CNTN5: variants seen among roughly 807,000 people sequenced by gnomAD.
CNTN5 encodes the protein contactin-5.
CNTN5 carries 77 observed loss-of-function variants against 129.1 expected under a neutral mutation model. The ratio of observed to expected loss-of-function variants is 0.60; its 90% CI spans 0.50 to 0.72. CNTN5 has a LOEUF of 0.72. CNTN5 is among the 30% of genes least tolerant of loss of function. The probability of loss-of-function intolerance (pLI) is 0.00; values close to 1 mark genes in which losing one functional copy is unlikely to be tolerated. For missense variants in CNTN5, 1,478 were observed against 1,328.8 expected (o/e 1.11, Z -1.75); for synonymous variants, 509 against 465.6 (o/e 1.09, Z -1.20).
chr11:99,745,093 A>C (rs1944011789), intron 3 of CNTN5, among the ~76,000 whole-genome samples: 1 of 152,180 alleles, frequency 6.6e-6, no homozygotes, highest in African/African-American at 2.4e-5. Flanking sequence ...AATTTCCTCC[A>C]TTAAGCGTTT....
chr11:100,181,168 G>C (rs1948128977), intron 13 of CNTN5, among the ~76,000 whole-genome samples: 1 of 151,916 alleles, frequency 6.6e-6, no homozygotes, highest in Non-Finnish European at 1.5e-5. Flanking sequence ...TTGTTCAATA[G>C]CTGAATGGTT....
chr11:99,725,777 C>A (rs1158550921), intron 3 of CNTN5, among the ~76,000 whole-genome samples: 1 of 152,096 alleles, frequency 6.6e-6, no homozygotes, highest in Non-Finnish European at 1.5e-5. Flanking sequence ...GTGCCCTGCT[C>A]TTCTGCCATT....
At chr11:99,796,676 G>A (rs575008861) in intron 3 of CNTN5, among the ~76,000 whole-genome samples, 19 of 152,050 alleles carry the variant, frequency 1.2e-4, no homozygotes, top group African/African-American at 2.4e-4. Context: ...GTCCTATCTC[G>A]GGGCAGGATC....
intron 7 of CNTN5, among the ~76,000 whole-genome samples, chr11:99,924,524 A>AT (rs57836490): frequency 0.24 from 36,509 of 151,232 alleles, 4,592 homozygotes; most frequent in Non-Finnish European, 0.27. Context: ...TATTTTTGTC[A>AT]TTTTTTTTGA....
chr11:99,439,034 G>A (rs1159395901), intron 2 of CNTN5, among the ~76,000 whole-genome samples: 1 of 152,164 alleles, frequency 6.6e-6, no homozygotes, highest in African/African-American at 2.4e-5. Context: ...AGAAGAAAAT[G>A]GGTTATAAAG....
chr11:100,346,587 T>C (rs966949215), intron 23 of CNTN5, among the ~76,000 whole-genome samples: 2 of 152,122 alleles, frequency 1.3e-5, no homozygotes, highest in African/African-American at 4.8e-5. Flanking sequence ...GACCTCAGGC[T>C]ATAATCCAAG....
intron 2 of CNTN5, among the ~76,000 whole-genome samples, chr11:99,426,370 T>C (rs1943121455): frequency 6.6e-6 from 1 of 152,176 alleles, no homozygotes. Flanking sequence ...GGGCAAAAAC[T>C]CTGACTCTTT....
At chr11:99,307,381 T>C (rs76551582) in intron 1 of CNTN5, among the ~76,000 whole-genome samples, 30 of 152,332 alleles carry the variant, frequency 2.0e-4, no homozygotes, top group Non-Finnish European at 3.2e-4. Context: ...TTTTGTTTTG[T>C]TTTTAGTAAG....
intron 16 of CNTN5, among the ~76,000 whole-genome samples, chr11:100,233,419 C>G (rs1295489562): frequency 6.6e-6 from 1 of 152,092 alleles, no homozygotes; most frequent in East Asian, 1.9e-4. Flanking sequence ...CATTTGGTAG[C>G]CCAAGAAAGA....
intron 2 of CNTN5, among the ~76,000 whole-genome samples, chr11:99,354,619 A>T: frequency 6.6e-6 from 1 of 152,258 alleles, no homozygotes; most frequent in African/African-American, 2.4e-5. Flanking sequence ...AGTGAATTTT[A>T]CCAGCATAAC....
At chr11:100,172,425 G>A (rs1011006813) in intron 13 of CNTN5, among the ~76,000 whole-genome samples, 1 of 151,942 alleles carries the variant, frequency 6.6e-6, no homozygotes, top group African/African-American at 2.4e-5. Context: ...TTCAGTCTAG[G>A]GAAAACATTT....
intron 1 of CNTN5, among the ~76,000 whole-genome samples, chr11:99,084,101 T>C (rs1336519083): frequency 6.6e-6 from 1 of 152,182 alleles, no homozygotes; most frequent in Non-Finnish European, 1.5e-5. Flanking sequence ...CCCCACCAAC[T>C]ACGTATCCAC....
At chr11:99,963,490 G>T (rs1269112625) in intron 8 of CNTN5, among the ~76,000 whole-genome samples, 1 of 152,006 alleles carries the variant, frequency 6.6e-6, no homozygotes, top group African/African-American at 2.4e-5. Context: ...TTATTTCTGA[G>T]GGCTCTGTTC....
At chr11:100,246,838 A>C (rs1249744642) in intron 16 of CNTN5, among the ~76,000 whole-genome samples, 2 of 152,188 alleles carry the variant, frequency 1.3e-5, no homozygotes, top group Non-Finnish European at 2.9e-5. Context: ...AGCTAATAAA[A>C]ATTATTAATT....
At chr11:99,806,805 C>T (rs1946284774) in intron 3 of CNTN5, among the ~76,000 whole-genome samples, 1 of 123,618 alleles carries the variant, frequency 8.1e-6, no homozygotes, top group South Asian at 2.7e-4. Flanking sequence ...AGACTCTTCC[C>T]CCACCCCCTG....
At chr11:99,398,185 CA>C (rs1373698705) in intron 2 of CNTN5, among the ~76,000 whole-genome samples, 3 of 151,860 alleles carry the variant, frequency 2.0e-5, no homozygotes, top group Non-Finnish European at 4.4e-5. Context: ...CAAACTTTAA[CA>C]ATTATATTAC....
At chr11:99,491,884 A>T (rs1946049060) in intron 2 of CNTN5, among the ~76,000 whole-genome samples, 1 of 152,204 alleles carries the variant, frequency 6.6e-6, no homozygotes, top group South Asian at 2.1e-4. Context: ...TGGTGCAAGT[A>T]GGAATCACAG....
chr11:100,349,178 A>G (rs1279646690), intron 23 of CNTN5, among the ~76,000 whole-genome samples: 1 of 151,988 alleles, frequency 6.6e-6, no homozygotes, highest in African/African-American at 2.4e-5. Context: ...GGGAGCATTT[A>G]TTACTAGAAT....
chr11:100,039,014 G>A (rs759800608), intron 9 of CNTN5, among the ~76,000 whole-genome samples: 48 of 151,966 alleles, frequency 3.2e-4, no homozygotes, highest in Non-Finnish European at 5.6e-4. Context: ...TGTCATTATG[G>A]TGTTAGCTGG....
Sources: gnomAD v4.1 joint callset for allele counts (sites outside exome capture counted in the v4.1 genomes callset) on GRCh38, gnomAD v4.1.1 for gene constraint, MANE v1.5 for transcripts, NCBI Gene and HGNC (gene_info 2026-07-23, HGNC 2026-07-21) for gene names.